The following PKIB variants were observed in gnomAD, a reference collection of about 807,000 sequenced individuals.
PKIB encodes the protein cAMP-dependent protein kinase inhibitor beta.
Under a neutral mutation model 4.5 loss-of-function variants are expected in PKIB, and 2 were observed. That is an observed-to-expected ratio of 0.44 (90% CI 0.18 to 1.39). PKIB has a LOEUF of 1.39. PKIB is among the 40% of genes most tolerant of loss of function. The pLI, the probability that PKIB is intolerant of heterozygous loss-of-function variation, is 0.27. For missense variants in PKIB, 94 were observed against 92.6 expected (o/e 1.02, Z -0.06); for synonymous variants, 38 against 36.0 (o/e 1.06, Z -0.20).
At chr6:122,626,473 CAG>C (rs1775449615) in intron 1 of PKIB, among the ~76,000 whole-genome samples, 1 of 152,108 alleles carries the variant, frequency 6.6e-6, no homozygotes, top group Non-Finnish European at 1.5e-5. Context: ...CAGAAAGCAT[CAG>C]AGAGTCATAA....
chr6:122,501,305 T>A (rs1776228187), intron 2 of PKIB, among the ~76,000 whole-genome samples: 2 of 152,152 alleles, frequency 1.3e-5, no homozygotes, highest in African/African-American at 4.8e-5. Flanking sequence ...AGGCATTGGG[T>A]AAATGCTCTC....
chr6:122,574,330 A>G (rs946740535), intron 2 of PKIB, among the ~76,000 whole-genome samples: 6 of 152,178 alleles, frequency 3.9e-5, no homozygotes, highest in Non-Finnish European at 8.8e-5. Context: ...GAAAATATCC[A>G]AATTCACAAA....
intron 2 of PKIB, among the ~76,000 whole-genome samples, chr6:122,579,071 A>G (rs566835453): frequency 2.2e-4 from 33 of 152,176 alleles, no homozygotes; most frequent in Non-Finnish European, 3.8e-4. Context: ...GTATGTGTTC[A>G]TCAGCAGCTT....
intron 2 of PKIB, among the ~76,000 whole-genome samples, chr6:122,637,824 TA>T (rs1775985084): frequency 6.6e-6 from 1 of 151,890 alleles, no homozygotes; most frequent in African/African-American, 2.4e-5. Context: ...AGACCAGTGA[TA>T]ATATGGAAAG....
chr6:122,570,965 C>T (rs897776811), intron 2 of PKIB, among the ~76,000 whole-genome samples: 1 of 151,402 alleles, frequency 6.6e-6, no homozygotes, highest in African/African-American at 2.4e-5. Context: ...TAGGAAATAA[C>T]CAGAGAAAGG....
At chr6:122,676,912 CA>C (rs1486083330) in intron 3 of PKIB, among the ~76,000 whole-genome samples, 1 of 152,174 alleles carries the variant, frequency 6.6e-6, no homozygotes, top group Non-Finnish European at 1.5e-5. Flanking sequence ...AACTTCCTAA[CA>C]CTTCAGTTTG....
intron 1 of PKIB, among the ~76,000 whole-genome samples, chr6:122,617,650 G>T (rs913862001): frequency 5.3e-5 from 8 of 151,866 alleles, no homozygotes; most frequent in African/African-American, 1.9e-4. Context: ...TAATATTATT[G>T]GTCTTAATTG....
At chr6:122,658,671 C>T (rs1776868206) in intron 2 of PKIB, among the ~76,000 whole-genome samples, 1 of 151,562 alleles carries the variant, frequency 6.6e-6, no homozygotes, top group African/African-American at 2.4e-5. Context: ...AGAGGTCTTT[C>T]TGAATTAAGG....
intron 2 of PKIB, among the ~76,000 whole-genome samples, chr6:122,510,193 A>G (rs926474958): frequency 7.2e-5 from 11 of 152,120 alleles, no homozygotes; most frequent in African/African-American, 2.2e-4. Context: ...AATTTTTTTC[A>G]GGTGTTCTAA....
At chr6:122,555,165 G>A (rs909629865) in intron 2 of PKIB, among the ~76,000 whole-genome samples, 4 of 152,168 alleles carry the variant, frequency 2.6e-5, no homozygotes, top group African/African-American at 9.7e-5. Context: ...CTGATCCACT[G>A]GTTTGGGGGA....
At chr6:122,501,970 G>A (rs1218060960) in intron 2 of PKIB, among the ~76,000 whole-genome samples, 7 of 123,308 alleles carry the variant, frequency 5.7e-5, no homozygotes, top group Admixed American at 9.2e-5. Context: ...TATTTTTTTC[G>A]AGATGGAGTT....
Position 122,653,926 on chromosome 6 carries a change from C to G in PKIB, c.-76+20559C>G, listed in dbSNP as rs529287429. 2.0e-5 allele frequency among the ~76,000 whole-genome samples: 3 copies of G among 152,252 alleles called. No individual in the cohort carries two copies. In the East Asian group the frequency reaches 5.8e-4, roughly 29 times the overall value. ...TTAGCGGAGATCGCGCCATTACACT[C>G]CAGCCTGAGCAACAGAGAGAGACTC... On this transcript the variant is annotated intron_variant, in intron 2 of 4. Coordinates refer to ENST00000368452, the MANE Select transcript of PKIB (RefSeq NM_181795.3).
chr6:122,494,038 A>G (rs1776010345), intron 2 of PKIB, among the ~76,000 whole-genome samples: 1 of 152,174 alleles, frequency 6.6e-6, no homozygotes, highest in African/African-American at 2.4e-5. Flanking sequence ...GTTAATATCA[A>G]ATAAAAATTT....
At chr6:122,696,218 T>A (rs1778563397) in intron 3 of PKIB, among the ~76,000 whole-genome samples, 1 of 152,208 alleles carries the variant, frequency 6.6e-6, no homozygotes, top group Admixed American at 6.5e-5. Flanking sequence ...TATTGAGCTA[T>A]CTGAAACTGA....
At chr6:122,583,012 A>G (rs534392695) in intron 2 of PKIB, among the ~76,000 whole-genome samples, 31 of 152,184 alleles carry the variant, frequency 2.0e-4, no homozygotes, top group African/African-American at 6.7e-4. Flanking sequence ...AAATATTAAT[A>G]TAAGATATAG....
chr6:122,563,963 G>A (rs962301701), intron 2 of PKIB, among the ~76,000 whole-genome samples: 4 of 152,162 alleles, frequency 2.6e-5, no homozygotes, highest in Non-Finnish European at 5.9e-5. Context: ...CCAAGTTCTG[G>A]CAAGGAGGCT....
intron 2 of PKIB, among the ~76,000 whole-genome samples, chr6:122,646,339 A>G (rs573876237): frequency 2.0e-5 from 3 of 152,190 alleles, no homozygotes; most frequent in Non-Finnish European, 2.9e-5. Context: ...ACATCAAACC[A>G]GGGCCTTCAC....
At chr6:122,599,093 G>A (rs1346845594) in intron 3 of PKIB, among the ~76,000 whole-genome samples, 4 of 152,138 alleles carry the variant, frequency 2.6e-5, no homozygotes, top group Admixed American at 2.6e-4. Context: ...GCAAACAGAG[G>A]TGTTGGGGGT....
intron 3 of PKIB, among the ~76,000 whole-genome samples, chr6:122,594,483 G>T (rs1774113756): frequency 6.6e-6 from 1 of 152,156 alleles, no homozygotes; most frequent in Non-Finnish European, 1.5e-5. Flanking sequence ...GGGATTAGAG[G>T]CATGAACCAC....
Sources: gnomAD v4.1 joint callset for allele counts (sites outside exome capture counted in the v4.1 genomes callset) on GRCh38, gnomAD v4.1.1 for gene constraint, MANE v1.5 for transcripts, NCBI Gene and HGNC (gene_info 2026-07-23, HGNC 2026-07-21) for gene names.